The following PTPRG variants were observed in gnomAD, a reference collection of about 807,000 sequenced individuals.
PTPRG encodes the protein protein tyrosine phosphatase receptor type G.
A neutral mutation model predicts 165.3 loss-of-function variants in PTPRG; 102 were observed. That is an observed-to-expected ratio of 0.62 (90% CI 0.53 to 0.73). PTPRG has a LOEUF of 0.73. Ranked by LOEUF, PTPRG falls within the 30% of genes least tolerant of loss-of-function variation. PTPRG has a pLI of 0.00. For missense variants in PTPRG, 1,866 were observed against 1,861.4 expected (o/e 1.00, Z -0.05); for synonymous variants, 675 against 669.5 (o/e 1.01, Z -0.13).
chr3:62,075,580 C>T (rs1701353796), intron 4 of PTPRG, among the ~76,000 whole-genome samples: 1 of 152,198 alleles, frequency 6.6e-6, no homozygotes. Flanking sequence ...ACTACCCATC[C>T]TTCTCCCATG....
chr3:61,851,643 CTT>C (rs2036967368), intron 2 of PTPRG, among the ~76,000 whole-genome samples: 1 of 152,146 alleles, frequency 6.6e-6, no homozygotes, highest in East Asian at 1.9e-4. Context: ...GTGAAGTACA[CTT>C]AACATTTAAA....
At chr3:61,923,438 G>T (rs908614306) in intron 2 of PTPRG, among the ~76,000 whole-genome samples, 1 of 151,266 alleles carries the variant, frequency 6.6e-6, no homozygotes, top group Non-Finnish European at 1.5e-5. Context: ...TCAAGTTTTA[G>T]GGTACATGTG....
chr3:62,273,962 C>T lies in PTPRG; in HGVS notation c.3465+118C>T. On this transcript the variant is annotated intron_variant, in intron 23 of 29. Transcript: ENST00000474889. The surrounding 1 kb of genome is among the most constrained non-coding windows in gnomAD (Gnocchi z 4.1). ...ACACCGAAATGGATTACTATTTGTA[C>T]TCCTTGTACTCCTTAAATGTGATGA... is the stretch of plus-strand genomic sequence containing the variant. The T allele has an allele frequency of 1.1e-6, 1 of 939,374 alleles. No individual in the cohort carries two copies. The highest frequency in any genetic ancestry group is 2.6e-5 in the East Asian group (1 of 38,190). The allele number at this position is 939,374 out of a possible 1,614,324, so 58.2% of individuals were successfully genotyped here.
intron 2 of PTPRG, among the ~76,000 whole-genome samples, chr3:61,837,335 C>G (rs1302451996): frequency 6.6e-6 from 1 of 152,184 alleles, no homozygotes; most frequent in Non-Finnish European, 1.5e-5. Flanking sequence ...AGGTGTGAGC[C>G]ACCGCACCCA....
rs541092594 is a variant in PTPRG, at chr3:61,623,513, G to A, written c.85+61141G>A. Among the ~76,000 whole-genome samples the A allele has an allele frequency of 3.9e-5, 6 of 152,252 alleles. No individual in the cohort carries two copies. The East Asian group carries it at 5.8e-4, about 15-fold the overall frequency. Reference sequence around the variant, plus strand: ...AACATTGGAGCAGGAAGAGGCTCCCGACTCTCACCAAAGCCCTGGGGAATG... The same window carrying A: ...AACATTGGAGCAGGAAGAGGCTCCCAACTCTCACCAAAGCCCTGGGGAATG... On this transcript the variant is annotated intron_variant, in intron 1 of 29. Transcript: ENST00000474889.
intron 1 of PTPRG, chr3:61,742,490 C>T (rs879082189): frequency 1.3e-5 from 21 of 1,593,268 alleles, no homozygotes; most frequent in Non-Finnish European, 1.4e-5. Context: ...ATGGTGCTCT[C>T]GATATATAAG....
chr3:62,066,745 A>G (rs570394227), intron 4 of PTPRG, among the ~76,000 whole-genome samples: 1 of 152,182 alleles, frequency 6.6e-6, no homozygotes, highest in African/African-American at 2.4e-5. Flanking sequence ...TGTATGGACA[A>G]AAGTGCTCTC....
intron 4 of PTPRG, among the ~76,000 whole-genome samples, chr3:62,040,165 A>G (rs1019834623): frequency 6.6e-6 from 1 of 152,206 alleles, no homozygotes; most frequent in Non-Finnish European, 1.5e-5. Context: ...CCTAATGAAC[A>G]TAAGAAGAAA....
At chr3:62,009,294 G>A (rs2041364123) in intron 4 of PTPRG, among the ~76,000 whole-genome samples, 1 of 152,156 alleles carries the variant, frequency 6.6e-6, no homozygotes, top group Non-Finnish European at 1.5e-5. Flanking sequence ...ATGTGTCCCA[G>A]TACTTCTCTC....
At chr3:62,164,395 G>A (rs1217123680) in intron 7 of PTPRG, among the ~76,000 whole-genome samples, 1 of 152,158 alleles carries the variant, frequency 6.6e-6, no homozygotes, top group Non-Finnish European at 1.5e-5. Flanking sequence ...CACTGGCCAA[G>A]CATGCCAGTT....
chr3:62,042,284 A>G (rs1204904413), intron 4 of PTPRG, among the ~76,000 whole-genome samples: 1 of 152,114 alleles, frequency 6.6e-6, no homozygotes, highest in East Asian at 1.9e-4. Context: ...AGCGACAGGT[A>G]TGGAATAAAC....
At chr3:61,888,276 C>T (rs998919883) in intron 2 of PTPRG, among the ~76,000 whole-genome samples, 1 of 151,458 alleles carries the variant, frequency 6.6e-6, no homozygotes, top group Non-Finnish European at 1.5e-5. Context: ...TATTATGCCC[C>T]TTTACTTTTA....
chr3:62,067,142 A>G (rs1030082796), intron 4 of PTPRG, among the ~76,000 whole-genome samples: 1 of 152,114 alleles, frequency 6.6e-6, no homozygotes, highest in African/African-American at 2.4e-5. Context: ...GTGAAAGGGA[A>G]AGAAAAACAA....
chr3:61,720,033 T>C (rs1472130878), intron 1 of PTPRG, among the ~76,000 whole-genome samples: 1 of 152,224 alleles, frequency 6.6e-6, no homozygotes, highest in Non-Finnish European at 1.5e-5. Context: ...TGGGCACCAT[T>C]TGTCATTCTA....
chr3:61,848,075 C>G (rs1413935974), intron 2 of PTPRG, among the ~76,000 whole-genome samples: 1 of 152,194 alleles, frequency 6.6e-6, no homozygotes, highest in African/African-American at 2.4e-5. Context: ...TGTTAGGGAA[C>G]CTGGAGCCTT....
intron 2 of PTPRG, among the ~76,000 whole-genome samples, chr3:61,923,831 C>T (rs1306271911): frequency 1.3e-5 from 2 of 151,284 alleles, no homozygotes; most frequent in Non-Finnish European, 2.9e-5. Context: ...CCACTGTGCC[C>T]GGCTTTGTTG....
chr3:62,272,611 A>C (rs563118823), intron 21 of PTPRG, among the ~76,000 whole-genome samples: 89 of 152,282 alleles, frequency 5.8e-4, no homozygotes, highest in African/African-American at 1.9e-3. Context: ...TGGGAGGCCA[A>C]AGTGGGCAGA....
rs534749507 is a variant in PTPRG at position 61,687,578 on chromosome 3, A to G, written c.86-61300A>G. Among the ~76,000 whole-genome samples the G allele has an allele frequency of 3.3e-5, 5 of 152,376 alleles. No individual in the cohort carries two copies. In the East Asian group the frequency reaches 7.7e-4, roughly 23 times the overall value. On this transcript the variant is annotated intron_variant, in intron 1 of 29. Coordinates refer to ENST00000474889, the MANE Select transcript of PTPRG (RefSeq NM_002841.4). ...CAAACCAAATCACTGCAGTGAAAAG[A>G]AAACAAAAAAAGGAGTTTTTAAATT...
intron 4 of PTPRG, among the ~76,000 whole-genome samples, chr3:62,072,264 C>T (rs954551461): frequency 3.3e-5 from 5 of 152,178 alleles, no homozygotes; most frequent in South Asian, 2.1e-4. Flanking sequence ...TTCATGCAGG[C>T]ATTTGCCATA....
Sources: gnomAD v4.1 joint callset for allele counts (sites outside exome capture counted in the v4.1 genomes callset) on GRCh38, gnomAD v4.1.1 for gene constraint, Gnocchi (gnomAD v3.1) non-coding constraint, MANE v1.5 for transcripts, NCBI Gene and HGNC (gene_info 2026-07-23, HGNC 2026-07-21) for gene names.